TNFSF4: variants seen among roughly 807,000 people sequenced by gnomAD.
The protein encoded by TNFSF4 is tumor necrosis factor ligand superfamily member 4.
Under a neutral mutation model 7.3 loss-of-function variants are expected in TNFSF4, and 4 were observed. The observed-to-expected ratio is 0.55, with a 90% CI of 0.27 to 1.25. The LOEUF is 1.25. Ranked by LOEUF, TNFSF4 falls within the 50% of genes most tolerant of loss-of-function variation. The pLI, the probability that TNFSF4 is intolerant of heterozygous loss-of-function variation, is 0.12. For missense variants in TNFSF4, 181 were observed against 208.8 expected, an observed-to-expected ratio of 0.87 and a Z score of 0.82; for synonymous variants, 76 against 83.7, an observed-to-expected ratio of 0.91 and a Z score of 0.50.
the TNFSF4 span, among the ~76,000 whole-genome samples, chr1:173,293,695 G>A: frequency 1.1e-4 from 17 of 152,042 alleles, no homozygotes; most frequent in African/African-American, 3.4e-4. Flanking sequence ...TACAGAATGG[G>A]AGAAAATATC....
At chr1:173,284,722 A>T in the TNFSF4 span, among the ~76,000 whole-genome samples, 1 of 152,306 alleles carries the variant, frequency 6.6e-6, no homozygotes, top group South Asian at 2.1e-4. Flanking sequence ...AAATGGAACA[A>T]CAAAGGCTGA....
the TNFSF4 span, among the ~76,000 whole-genome samples, chr1:173,327,767 T>G: frequency 6.6e-6 from 1 of 152,218 alleles, no homozygotes; most frequent in African/African-American, 2.4e-5. Context: ...CCATCATCAC[T>G]GGCCATCAGA....
the TNFSF4 span, among the ~76,000 whole-genome samples, chr1:173,267,828 G>A: frequency 3.9e-5 from 6 of 151,914 alleles, no homozygotes; most frequent in Admixed American, 2.6e-4. Context: ...AAGGAGAGGA[G>A]AGGAAAGGAA....
chr1:173,394,983 GACAC>G, the TNFSF4 span, among the ~76,000 whole-genome samples: 1 of 126,060 alleles, frequency 7.9e-6, no homozygotes, highest in African/African-American at 3.5e-5. Context: ...GATAATAGAG[GACAC>G]ATAGATAGAT....
the TNFSF4 span, among the ~76,000 whole-genome samples, chr1:173,217,505 C>T: frequency 2.0e-5 from 3 of 152,230 alleles, no homozygotes; most frequent in Middle Eastern, 3.4e-3. Context: ...CACCTTCTAC[C>T]GTGCCTGATA....
In TNFSF4 at chr1:173,207,195, G is replaced by C. The variant is rs45483199; in HGVS notation, c.-19C>G. The stretch of plus-strand genomic sequence containing the variant: ...TTTCCATCTTCACAATCTGGGTAGA[G>C]GGAAGATGAAGATATGGAAAAGGGG... On this transcript the variant is annotated 5_prime_UTR_variant, in exon 1 of 3. Transcript: ENST00000281834. 1.2e-4 allele frequency: 194 copies of C among 1,592,930 alleles called. 1 individual carries two copies. In the East Asian group the frequency reaches 4.3e-3, roughly 36 times the overall value.
At chr1:173,393,446 C>T in the TNFSF4 span, among the ~76,000 whole-genome samples, 1 of 152,206 alleles carries the variant, frequency 6.6e-6, no homozygotes, top group Non-Finnish European at 1.5e-5. Flanking sequence ...TCGCCCTTTG[C>T]CACTTCCAGC....
At chr1:173,320,024 A>G in the TNFSF4 span, among the ~76,000 whole-genome samples, 18 of 152,152 alleles carry the variant, frequency 1.2e-4, no homozygotes, top group Admixed American at 3.3e-4. Flanking sequence ...AGAGACACAC[A>G]CACAAAAAGG....
chr1:173,395,037 T>TAGATAGATGATA, the TNFSF4 span, among the ~76,000 whole-genome samples: 236 of 94,066 alleles, frequency 2.5e-3, no homozygotes, highest in Middle Eastern at 4.8e-3. Context: ...GATAGATAGA[T>TAGATAGATGATA]GATAGATAGA....
chr1:173,357,582 A>G, the TNFSF4 span, among the ~76,000 whole-genome samples: 1 of 151,700 alleles, frequency 6.6e-6, no homozygotes, highest in Non-Finnish European at 1.5e-5. Flanking sequence ...CCCAGGCTGG[A>G]GCGCAATGGT....
At chr1:173,288,032 A>G in the TNFSF4 span, among the ~76,000 whole-genome samples, 2 of 152,236 alleles carry the variant, frequency 1.3e-5, no homozygotes, top group Non-Finnish European at 2.9e-5. Flanking sequence ...GTATTTTACC[A>G]TGTGTAATGT....
chr1:173,241,418 G>A, the TNFSF4 span, among the ~76,000 whole-genome samples: 1 of 152,132 alleles, frequency 6.6e-6, no homozygotes, highest in African/African-American at 2.4e-5. Flanking sequence ...CTTAGCAAGG[G>A]ACTACGAGCA....
the TNFSF4 span, among the ~76,000 whole-genome samples, chr1:173,339,502 T>C: frequency 6.6e-6 from 1 of 152,216 alleles, no homozygotes; most frequent in African/African-American, 2.4e-5. Context: ...AGTACTGTAA[T>C]TGACATATTT....
At chr1:173,443,211 T>C in the TNFSF4 span, among the ~76,000 whole-genome samples, 1 of 152,204 alleles carries the variant, frequency 6.6e-6, no homozygotes, top group Non-Finnish European at 1.5e-5. Flanking sequence ...CAGAAACTTT[T>C]AAATGCCATC....
downstream of TNFSF4, among the ~76,000 whole-genome samples, chr1:173,183,303 C>T (rs749838994): frequency 2.6e-5 from 4 of 152,140 alleles, no homozygotes; most frequent in Admixed American, 1.3e-4. Context: ...AGGAGGACAA[C>T]GTCATCAGCA....
the TNFSF4 span, among the ~76,000 whole-genome samples, chr1:173,430,143 G>A: frequency 1.3e-5 from 2 of 152,312 alleles, no homozygotes; most frequent in Non-Finnish European, 2.9e-5. Flanking sequence ...AATGGAACGC[G>A]GGGTCTAAGC....
At chr1:173,368,479 C>T in the TNFSF4 span, among the ~76,000 whole-genome samples, 60 of 152,116 alleles carry the variant, frequency 3.9e-4, no homozygotes, top group Middle Eastern at 3.4e-3. Flanking sequence ...CCTCAGAATT[C>T]GGGGGCTAAA....
At chr1:173,309,493 G>A in the TNFSF4 span, among the ~76,000 whole-genome samples, 1 of 151,492 alleles carries the variant, frequency 6.6e-6, no homozygotes, top group Non-Finnish European at 1.5e-5. Flanking sequence ...TTTTTTAGTT[G>A]ATTGATTTGA....
At chr1:173,330,907 AG>A in the TNFSF4 span, among the ~76,000 whole-genome samples, 1 of 144,848 alleles carries the variant, frequency 6.9e-6, no homozygotes, top group Non-Finnish European at 1.5e-5. Flanking sequence ...TTTTTGAGAC[AG>A]AGTTTCGCTC....
Sources: gnomAD v4.1 joint callset for allele counts (sites outside exome capture counted in the v4.1 genomes callset) on GRCh38, gnomAD v4.1.1 for gene constraint, MANE v1.5 for transcripts, NCBI Gene and HGNC (gene_info 2026-07-23, HGNC 2026-07-21) for gene names.